Variants in DNAJC9 observed in about 807,000 individuals in gnomAD.
DNAJC9 encodes dnaJ homolog subfamily C member 9.
In DNAJC9, 18 loss-of-function variants were observed where a neutral mutation model predicts 32.4. The observed-to-expected ratio is 0.56, with a 90% CI of 0.38 to 0.82. The LOEUF (loss-of-function observed/expected upper bound fraction) is 0.82, where lower values mean the gene tolerates loss of function less well. DNAJC9 is among the 40% of genes least tolerant of loss of function. DNAJC9 has a pLI of 0.00. For missense variants in DNAJC9, 310 were observed against 321.8 expected (o/e 0.96, Z 0.28); for synonymous variants, 113 against 122.1 (o/e 0.93, Z 0.49).
chr10:73,235,389 G>A, downstream of DNAJC9: 3 of 1,538,866 alleles, frequency 1.9e-6, no homozygotes, highest in Non-Finnish European at 2.6e-6. Flanking sequence ...TAATAGTTTG[G>A]CAGACTTAAG....
rs765531768 is a variant in DNAJC9 at position 73,245,924 on chromosome 10, T to A, written c.574A>T (p.Arg192Trp). The A allele has an allele frequency of 2.5e-6, 4 of 1,611,286 alleles. No individual in the cohort carries two copies. The East Asian group carries it at 8.9e-5, about 36-fold the overall frequency. Reference protein sequence around the residue: ...SKQKMNARKRRAQEEAKEAEM... With the variant: ...SKQKMNARKRWAQEEAKEAEM... The stretch of plus-strand genomic sequence containing the variant: ...ATCCACAGTATTCAAAATCTTACCC[T>A]CCTTTTCCTTGCATTCATCTTTTGT... The change falls in exon 3 of 5, where the codon AGG (arginine) becomes TGG (tryptophan). Residue 192 changes from arginine to tryptophan, a missense_variant and splice_region_variant. Physicochemically the swap from Arg to Trp is moderately radical, Grantham distance 101. Transcript: ENST00000372950.
intron 3 of DNAJC9, 68 bp from the exon 4 acceptor site, chr10:73,243,997 A>G: frequency 7.9e-7 from 1 of 1,265,952 alleles, no homozygotes; most frequent in Non-Finnish European, 1.1e-6. Flanking sequence ...TCTTTCCCAA[A>G]AGCAAATCTA....
downstream of DNAJC9, chr10:73,235,514 T>C (rs1331162472): frequency 7.9e-7 from 1 of 1,264,320 alleles, no homozygotes; most frequent in Non-Finnish European, 1.0e-6. Context: ...TTTAATGCCT[T>C]ATACAGAAAT....
chr10:73,234,755 T>C (rs2241968), downstream of DNAJC9: 124,959 of 1,516,856 alleles, frequency 0.082, 7,706 homozygotes, highest in East Asian at 0.29. Context: ...TTCTAATCAA[T>C]TTGCTGGTAT....
downstream of DNAJC9, chr10:73,235,444 CAAT>C: frequency 6.9e-7 from 1 of 1,459,410 alleles, no homozygotes; most frequent in Non-Finnish European, 9.0e-7. Flanking sequence ...GAGTTTCCAA[CAAT>C]AAAAAGTGTT....
chr10:73,247,005 C>T lies in DNAJC9; in HGVS notation c.180+5G>A. On this transcript the variant is annotated splice_donor_5th_base_variant and intron_variant, in intron 1 of 4. Transcript: ENST00000372950. The stretch of plus-strand genomic sequence containing the variant: ...CGGTCGGCTTCGGGGCGGGACCCTG[C>T]ATACCTGGAAGCGGCGGGTGGCGTC... 6.4e-7 allele frequency: 1 copy of T among 1,563,236 alleles called. No homozygotes were observed. Among genetic ancestry groups the T allele is most frequent in the Non-Finnish European group, 8.7e-7 (1 of 1,153,354 alleles).
downstream of DNAJC9, among the ~76,000 whole-genome samples, chr10:73,240,766 G>A (rs1042891914): frequency 2.0e-5 from 3 of 151,596 alleles, no homozygotes; most frequent in African/African-American, 7.3e-5. Flanking sequence ...AAGTGGAAGT[G>A]AGTAAATCAG....
chr10:73,246,878 G>C, intron 1 of DNAJC9, 50 bp from the exon 2 acceptor site: 1 of 1,609,420 alleles, frequency 6.2e-7, no homozygotes, highest in East Asian at 2.2e-5. Context: ...CCACCGAAAC[G>C]GCGGCGCGAG....
intron 4 of DNAJC9, 108 bp from the exon 5 acceptor site, chr10:73,243,627 G>T (rs763100087): frequency 1.6e-5 from 23 of 1,424,246 alleles, no homozygotes; most frequent in Non-Finnish European, 2.1e-5. Context: ...TGGGTATGGA[G>T]TTTTTTTGGA....
chr10:73,245,524 T>C (rs16930450), intron 3 of DNAJC9, among the ~76,000 whole-genome samples: 12,998 of 152,008 alleles, frequency 0.086, 816 homozygotes, highest in East Asian at 0.3. Context: ...CCCAAACATC[T>C]GCACTTTTAA....
downstream of DNAJC9, among the ~76,000 whole-genome samples, chr10:73,236,018 G>T (rs527467416): frequency 3.9e-5 from 6 of 152,274 alleles, no homozygotes; most frequent in African/African-American, 1.2e-4. Flanking sequence ...CACTTGGAGA[G>T]CCTGGGGAAG....
At chr10:73,232,591 T>C (rs2043731431) in intron 2 of DNAJC9, among the ~76,000 whole-genome samples, 1 of 152,214 alleles carries the variant, frequency 6.6e-6, no homozygotes, top group African/African-American at 2.4e-5. Context: ...AATCAGCCCC[T>C]GTGGCAAATT....
rs774312919 is a variant in DNAJC9 at position 73,246,003 on chromosome 10, T to C, written c.495A>G (p.Gln165=). ...EEPRIRNIIQ[Q]AIDAGEVPSY... is the part of the protein sequence containing the mutation. ...ATGGGACCTCTCCGGCGTCAATAGCTTGCTGAATGATATTCCTTATCCTGG... is the reference window on the plus strand; with the variant it reads ...ATGGGACCTCTCCGGCGTCAATAGCCTGCTGAATGATATTCCTTATCCTGG... Residue 165 remains glutamine, a synonymous_variant, in exon 3 of 5, where the codon CAA becomes CAG. Coordinates refer to ENST00000372950, the MANE Select transcript of DNAJC9 (RefSeq NM_015190.5). 2.9e-5 allele frequency: 46 copies of C among 1,613,658 alleles called. No individual in the cohort carries two copies. Among genetic ancestry groups the C allele is most frequent in the Non-Finnish European group, 3.6e-5 (43 of 1,179,814 alleles).
chr10:73,245,907 T>C lies in DNAJC9; in HGVS notation c.576+15A>G, dbSNP rs370738050. 60 of 1,606,938 alleles carry C rather than the reference T, an allele frequency of 3.7e-5. No homozygotes were observed. The highest frequency in any genetic ancestry group is 5.0e-5 in the Non-Finnish European group (59 of 1,178,244). On this transcript the variant is annotated intron_variant, in intron 3 of 4. Coordinates refer to ENST00000372950, the MANE Select transcript of DNAJC9 (RefSeq NM_015190.5). ...AAGCAGTCAAAATATAAATCCACAG[T>C]ATTCAAAATCTTACCCTCCTTTTCC...
rs1309618968 is a variant in DNAJC9, at chr10:73,243,523, T to A, written c.664-4A>T. 6.2e-7 allele frequency: 1 copy of A among 1,614,000 alleles called. No homozygotes were observed. The highest frequency in any genetic ancestry group is 8.5e-7 in the Non-Finnish European group (1 of 1,179,978). ...TTTGCCGATCCTTTTGTCTGCTCTG[T>A]TTGAGAAGTTAAAACACAAGCTTTC... is the stretch of plus-strand genomic sequence containing the variant. On this transcript the variant is annotated splice_region_variant and splice_polypyrimidine_tract_variant and intron_variant, in intron 4 of 4. Coordinates refer to ENST00000372950, the MANE Select transcript of DNAJC9 (RefSeq NM_015190.5).
downstream of DNAJC9, among the ~76,000 whole-genome samples, chr10:73,238,208 A>T (rs1421403061): frequency 1.3e-5 from 2 of 152,098 alleles, no homozygotes; most frequent in Non-Finnish European, 2.9e-5. Context: ...TTAGCCAGGC[A>T]TGGTGGTGCA....
downstream of DNAJC9, chr10:73,234,956 A>G (rs2043789540): frequency 6.4e-7 from 1 of 1,551,504 alleles, no homozygotes; most frequent in South Asian, 1.2e-5. Context: ...TTTCTTTCAT[A>G]TTGCCTCTCC....
chr10:73,239,415 A>G (rs2043894583), downstream of DNAJC9: 5 of 1,514,316 alleles, frequency 3.3e-6, no homozygotes, highest in Admixed American at 2.0e-5. Flanking sequence ...CTTATTTACT[A>G]CTGTGTGGTT....
downstream of DNAJC9, chr10:73,239,311 G>A: frequency 6.4e-7 from 1 of 1,551,320 alleles, no homozygotes; most frequent in Non-Finnish European, 8.7e-7. Context: ...TTGTCTTGTA[G>A]CTGGATACAC....
Sources: gnomAD v4.1 joint callset for allele counts (sites outside exome capture counted in the v4.1 genomes callset) on GRCh38, gnomAD v4.1.1 for gene constraint, MANE v1.5 for transcripts, NCBI Gene and HGNC (gene_info 2026-07-23, HGNC 2026-07-21) for gene names.